The following TMED10 variants were observed in gnomAD, a reference collection of about 807,000 sequenced individuals.
TMED10 encodes transmembrane emp24 domain-containing protein 10.
TMED10 carries 7 observed loss-of-function variants against 23.1 expected under a neutral mutation model. The observed-to-expected ratio is 0.30, with a 90% confidence interval of 0.17 to 0.57. The LOEUF is 0.57. Among genes scored for constraint, TMED10 ranks in the 20% least tolerant of loss-of-function variants. The pLI is 0.91. For synonymous variants in TMED10, 113 were observed against 106.9 expected, an observed-to-expected ratio of 1.06 and a Z score of -0.35; for missense variants, 162 against 274.8, an observed-to-expected ratio of 0.59 and a Z score of 2.90.
intron 1 of TMED10, among the ~76,000 whole-genome samples, chr14:75,166,160 G>A (rs1896159753): frequency 6.6e-6 from 1 of 152,204 alleles, no homozygotes; most frequent in Non-Finnish European, 1.5e-5. Context: ...CTTTCATTAT[G>A]AGCACAAACA....
At chr14:75,160,213 T>C (rs1192079989) in intron 1 of TMED10, among the ~76,000 whole-genome samples, 1 of 152,210 alleles carries the variant, frequency 6.6e-6, no homozygotes, top group Non-Finnish European at 1.5e-5. Context: ...ATCTAGTTCA[T>C]ATAACTTTGT....
chr14:75,170,396 C>A (rs1327509365), intron 1 of TMED10, among the ~76,000 whole-genome samples: 4 of 152,096 alleles, frequency 2.6e-5, no homozygotes, highest in African/African-American at 9.7e-5. Context: ...CAAAAAGGAA[C>A]TAGAATTCCT....
At chr14:75,138,664 A>T (rs1197523525) in intron 3 of TMED10, among the ~76,000 whole-genome samples, 1 of 152,186 alleles carries the variant, frequency 6.6e-6, no homozygotes, top group Non-Finnish European at 1.5e-5. Context: ...ATGGCATGAT[A>T]CTTCTTAGAG....
chr14:75,176,210 G>A (rs1896303513), intron 1 of TMED10, 145 bp downstream of exon 1: 2 of 977,164 alleles, frequency 2.0e-6, no homozygotes, highest in Non-Finnish European at 3.0e-6. Flanking sequence ...GGGGTGAGGG[G>A]GCGGGCTCCA....
At chr14:75,169,433 G>A (rs1319715691) in intron 1 of TMED10, among the ~76,000 whole-genome samples, 2 of 152,130 alleles carry the variant, frequency 1.3e-5, no homozygotes, top group Non-Finnish European at 2.9e-5. Context: ...GGAGACGGGC[G>A]GATCACCTGA....
At chr14:75,156,306 A>C (rs1896018439) in intron 1 of TMED10, among the ~76,000 whole-genome samples, 1 of 152,042 alleles carries the variant, frequency 6.6e-6, no homozygotes, top group Admixed American at 6.5e-5. Context: ...AATTTTATTA[A>C]GGTTTATTAA....
chr14:75,174,124 T>C (rs1417933933), intron 1 of TMED10, among the ~76,000 whole-genome samples: 3 of 152,116 alleles, frequency 2.0e-5, no homozygotes, highest in Non-Finnish European at 2.9e-5. Context: ...ATTTATAGAG[T>C]ACTTACTAGA....
chr14:75,163,552 C>CAAAAAA (rs758185921), intron 1 of TMED10, among the ~76,000 whole-genome samples: 38 of 60,772 alleles, frequency 6.3e-4, no homozygotes, highest in South Asian at 7.8e-4. Context: ...GACTCCGTAT[C>CAAAAAA]AAAAAAAAAA....
chr14:75,157,956 T>C (rs1203006302), intron 1 of TMED10, among the ~76,000 whole-genome samples: 1 of 150,540 alleles, frequency 6.6e-6, no homozygotes, highest in Non-Finnish European at 1.5e-5. Context: ...AAAAAAGAAG[T>C]AAAAATAAAT....
Position 75,176,343 on chromosome 14 carries a change from C to G in TMED10, c.225+12G>C. On this transcript the variant is annotated intron_variant, in intron 1 of 4. Transcript: ENST00000303575. Reference sequence around the variant, plus strand: ...GTCTTCCCTCCCGGCCCCACGTCGCCCAATGCCGCACCTTGAGGTGGCTGC... The same window carrying G: ...GTCTTCCCTCCCGGCCCCACGTCGCGCAATGCCGCACCTTGAGGTGGCTGC... 4.3e-6 allele frequency: 7 copies of G among 1,613,902 alleles called. No homozygotes were observed. The highest frequency in any genetic ancestry group is 5.9e-6 in the Non-Finnish European group (7 of 1,179,854).
intron 1 of TMED10, among the ~76,000 whole-genome samples, chr14:75,159,457 A>T (rs74374944): frequency 9.5e-4 from 145 of 152,368 alleles, no homozygotes; most frequent in African/African-American, 3.3e-3. Context: ...AAAGAGACTA[A>T]GTCATTGGCC....
intron 1 of TMED10, among the ~76,000 whole-genome samples, chr14:75,153,121 CA>C (rs1039500569): frequency 2.0e-5 from 3 of 149,498 alleles, no homozygotes; most frequent in East Asian, 2.0e-4. Flanking sequence ...GATTCTGTCT[CA>C]AAAAAAAAGT....
intron 3 of TMED10, among the ~76,000 whole-genome samples, chr14:75,139,565 G>A (rs185161209): frequency 1.3e-5 from 2 of 151,500 alleles, no homozygotes; most frequent in African/African-American, 2.4e-5. Context: ...GAGCCTGGGA[G>A]GTCAAGGCTG....
chr14:75,161,900 A>C (rs1372363482), intron 1 of TMED10, among the ~76,000 whole-genome samples: 2 of 152,142 alleles, frequency 1.3e-5, no homozygotes, highest in African/African-American at 2.4e-5. Flanking sequence ...TTCTCCAATA[A>C]AAGCAACCAG....
intron 4 of TMED10, 72 bp from the exon 5 acceptor site, chr14:75,135,078 G>A: frequency 6.4e-7 from 1 of 1,572,676 alleles, no homozygotes; most frequent in Non-Finnish European, 8.7e-7. Context: ...TGGCAGGGGA[G>A]GTGGGTAAAG....
At chr14:75,170,527 A>G (rs1240383228) in intron 1 of TMED10, among the ~76,000 whole-genome samples, 1 of 152,202 alleles carries the variant, frequency 6.6e-6, no homozygotes. Context: ...GAAAAAATAC[A>G]GGAGCCAATA....
intron 1 of TMED10, among the ~76,000 whole-genome samples, chr14:75,168,806 T>G (rs1896195054): frequency 6.6e-6 from 1 of 152,068 alleles, no homozygotes; most frequent in Non-Finnish European, 1.5e-5. Context: ...GACACAAAGA[T>G]GAGTAAGACA....
intron 2 of TMED10, chr14:75,147,939 TGGGGTGCCGGA>T (rs1003017012): frequency 1.3e-5 from 8 of 608,896 alleles, no homozygotes; most frequent in African/African-American, 1.3e-4. Context: ...TCTATCTGTG[TGGGGTGCCGGA>T]AAGCAACAAG....
Position 75,173,879 on chromosome 14 carries a change from C to T in TMED10, c.225+2476G>A, listed in dbSNP as rs1365441234. Among the ~76,000 whole-genome samples, 7 of 152,138 alleles carry T rather than the reference C, an allele frequency of 4.6e-5. No homozygotes were observed. In the East Asian group the frequency reaches 5.8e-4, roughly 13 times the overall value. On this transcript the variant is annotated intron_variant, in intron 1 of 4. Transcript: ENST00000303575. ...CCGGGTAGCTGGGATTACAGGCACA[C>T]GCCACCATGCCCAGCTAATTTTTGT...
Sources: gnomAD v4.1 joint callset for allele counts (sites outside exome capture counted in the v4.1 genomes callset) on GRCh38, gnomAD v4.1.1 for gene constraint, MANE v1.5 for transcripts, NCBI Gene and HGNC (gene_info 2026-07-23, HGNC 2026-07-21) for gene names.